The following IP6K2 variants were observed in gnomAD, a reference collection of about 807,000 sequenced individuals.
IP6K2 encodes inositol hexakisphosphate kinase 2.
A neutral mutation model predicts 43.3 loss-of-function variants in IP6K2; 9 were observed. The observed-to-expected ratio is 0.21, with a 90% CI of 0.13 to 0.36. The LOEUF is 0.36. IP6K2 is among the 10% of genes least tolerant of loss of function. IP6K2 has a pLI of 1.00. For missense variants in IP6K2, 332 were observed against 538.4 expected (o/e 0.62, Z 3.79); for synonymous variants, 209 against 202.4 (o/e 1.03, Z -0.28).
intron 1 of IP6K2, among the ~76,000 whole-genome samples, chr3:48,716,767 G>A (rs1172388167): frequency 6.6e-6 from 1 of 152,104 alleles, no homozygotes; most frequent in Non-Finnish European, 1.5e-5. Flanking sequence ...AAATATCTGG[G>A]GAGATCGTGG....
chr3:48,689,542 A>G lies in IP6K2; in HGVS notation c.776T>C (p.Met259Thr). The change falls in exon 5 of 6, where the codon ATG becomes ACG. Residue 259 changes from methionine (M) to threonine (T), a missense_variant. Coordinates refer to ENST00000328631, the MANE Select transcript of IP6K2 (RefSeq NM_016291.4). Reference protein sequence around the residue: ...SAVIGVRVCGMQVYQAGSGQL... With the variant: ...SAVIGVRVCGTQVYQAGSGQL... ...CAGCCCTAGCATCCCCCTCACCTGC[A>G]TGCCACACACACGCACACCAATGAC... 6.2e-7 allele frequency: 1 copy of G among 1,612,004 alleles called. No individual in the cohort carries two copies. Among genetic ancestry groups the G allele is most frequent in the Non-Finnish European group, 8.5e-7 (1 of 1,179,288 alleles).
At chr3:48,698,591 T>G (rs1428031600) in intron 1 of IP6K2, among the ~76,000 whole-genome samples, 1 of 152,122 alleles carries the variant, frequency 6.6e-6, no homozygotes. Context: ...TGCCTCAGCC[T>G]CCCGAGAAGC....
intron 1 of IP6K2, among the ~76,000 whole-genome samples, chr3:48,714,383 TTTTG>T (rs1203258975): frequency 6.7e-6 from 1 of 150,324 alleles, no homozygotes; most frequent in East Asian, 2.1e-4. Flanking sequence ...TTTTCCTTTT[TTTTG>T]TGTGTGTGTG....
intron 1 of IP6K2, among the ~76,000 whole-genome samples, chr3:48,711,836 G>A (rs2080549428): frequency 6.6e-6 from 1 of 152,020 alleles, no homozygotes; most frequent in Admixed American, 6.6e-5. Context: ...TTTCTTCCTT[G>A]AGTAACTAGG....
At chr3:48,712,994 C>G (rs1011313315) in intron 1 of IP6K2, among the ~76,000 whole-genome samples, 1 of 152,098 alleles carries the variant, frequency 6.6e-6, no homozygotes, top group African/African-American at 2.4e-5. Flanking sequence ...ACCTGGGCAA[C>G]AGAGTGAGAC....
chr3:48,704,104 AAAG>A (rs2079399706), intron 1 of IP6K2, among the ~76,000 whole-genome samples: 1 of 152,208 alleles, frequency 6.6e-6, no homozygotes, highest in Admixed American at 6.5e-5. Flanking sequence ...AAAGAAAAGA[AAAG>A]AAAAGAAAAA....
At chr3:48,711,306 G>A (rs1254170020) in intron 1 of IP6K2, 1 of 152,178 alleles carries the variant, frequency 6.6e-6, no homozygotes, top group African/African-American at 2.4e-5. Context: ...CCAGGACCTT[G>A]TATCCTGGAT....
chr3:48,712,515 G>C (rs1324143602), intron 1 of IP6K2, among the ~76,000 whole-genome samples: 2 of 151,646 alleles, frequency 1.3e-5, no homozygotes, highest in Non-Finnish European at 2.9e-5. Context: ...CAAAGTGCTG[G>C]GATTACAGGC....
chr3:48,688,521 G>A lies in IP6K2; in HGVS notation c.1033C>T (p.Leu345=). ...TCCAAATCCTCAGCATCTGAGTCCA[G>A]GACCACTTCGGGCCGCTCCTTGCCA... ...YDGKERPEVV[L]DSDAEDLEDL... The change falls in exon 6 of 6, where the codon CTG becomes TTG. Residue 345 remains leucine, a synonymous_variant. Coordinates refer to ENST00000328631, the MANE Select transcript of IP6K2 (RefSeq NM_016291.4). This position sits in a 1 kb window ranked among gnomAD's most constrained non-coding sequence, Gnocchi z 5.1. The A allele has an allele frequency of 6.2e-7, 1 of 1,614,254 alleles. No homozygotes were observed. Among genetic ancestry groups the A allele is most frequent in the African/African-American group, 1.3e-5 (1 of 75,064 alleles).
At chr3:48,690,615 CCT>C (rs35006957) in intron 4 of IP6K2, among the ~76,000 whole-genome samples, 20,168 of 151,798 alleles carry the variant, frequency 0.13, 1,484 homozygotes, top group African/African-American at 0.2. Context: ...ATGGTGAAAC[CCT>C]GTCTCCACTA....
At chr3:48,715,712 CTCTT>C (rs1291448952) in intron 1 of IP6K2, among the ~76,000 whole-genome samples, 17 of 149,970 alleles carry the variant, frequency 1.1e-4, no homozygotes, top group African/African-American at 2.5e-4. Context: ...TTCTCTCTCT[CTCTT>C]TTTTTTTTTT....
At chr3:48,692,348 A>G (rs1559509488) in intron 3 of IP6K2, among the ~76,000 whole-genome samples, 2 of 152,194 alleles carry the variant, frequency 1.3e-5, no homozygotes, top group Non-Finnish European at 2.9e-5. Flanking sequence ...CCTGCTCCCC[A>G]GCCCTGTATG....
Position 48,715,221 on chromosome 3 carries a change from C to T in IP6K2, c.-131+1936G>A, listed in dbSNP as rs11708786. ...ATAAGAGTGTGTTCAATTTGTTACC[C>T]AAGATTATCCCACTAGGTGAAATAA... On this transcript the variant is annotated intron_variant, in intron 1 of 5. Coordinates refer to ENST00000328631, the MANE Select transcript of IP6K2 (RefSeq NM_016291.4). 159,283 of 1,335,364 alleles carry T rather than the reference C, an allele frequency of 0.12. 10,232 individuals carry two copies. The highest frequency in any genetic ancestry group is 0.23 in the African/African-American group (15,833 of 69,050). 82.7% of individuals were successfully genotyped at this position (1,335,364 alleles called of 1,614,324 possible).
intron 1 of IP6K2, among the ~76,000 whole-genome samples, chr3:48,712,232 CA>C (rs200314397): frequency 2.1e-5 from 3 of 139,590 alleles, no homozygotes; most frequent in South Asian, 2.3e-4. Context: ...CCTGTCTCTA[CA>C]AAAAAAAAAT....
chr3:48,688,079 T>C lies in IP6K2; in HGVS notation c.*194A>G, dbSNP rs374789137. 1.1e-5 allele frequency: 7 copies of C among 614,966 alleles called. No individual in the cohort carries two copies. The highest frequency in any genetic ancestry group is 9.2e-5 in the African/African-American group (5 of 54,160). 38.1% of individuals were successfully genotyped at this position (614,966 alleles called of 1,614,324 possible). On this transcript the variant is annotated 3_prime_UTR_variant, in exon 6 of 6. Transcript: ENST00000328631. This position sits in a 1 kb window ranked among gnomAD's most constrained non-coding sequence, Gnocchi z 5.1. Reference sequence around the variant, plus strand: ...AGGTATCATCATCAAATGTGGAATGTTGAAGAAATAGTTAAAATAAATAAA... The same window carrying C: ...AGGTATCATCATCAAATGTGGAATGCTGAAGAAATAGTTAAAATAAATAAA...
intron 4 of IP6K2, 114 bp from the exon 5 acceptor site, chr3:48,689,827 ACT>A: frequency 1.2e-6 from 1 of 801,908 alleles, no homozygotes; most frequent in Non-Finnish European, 2.0e-6. Context: ...CCCACAGGAG[ACT>A]CCATTAGTCC....
chr3:48,709,131 C>T (rs1285006842), intron 1 of IP6K2, among the ~76,000 whole-genome samples: 3 of 152,232 alleles, frequency 2.0e-5, no homozygotes, highest in African/African-American at 7.2e-5. Flanking sequence ...TGCCAGTGGG[C>T]AATGTTTACC....
intron 1 of IP6K2, among the ~76,000 whole-genome samples, chr3:48,710,824 T>C (rs372706230): frequency 2.6e-4 from 40 of 152,306 alleles, no homozygotes; most frequent in African/African-American, 9.1e-4. Flanking sequence ...TTAGCCAGGA[T>C]GGTCTCGATC....
intron 1 of IP6K2, among the ~76,000 whole-genome samples, chr3:48,709,797 A>G (rs564571006): frequency 2.0e-5 from 3 of 151,728 alleles, no homozygotes; most frequent in Admixed American, 2.0e-4. Context: ...AGATCGCACC[A>G]CTGCACTCCA....
Sources: gnomAD v4.1 joint callset for allele counts (sites outside exome capture counted in the v4.1 genomes callset) on GRCh38, gnomAD v4.1.1 for gene constraint, Gnocchi (gnomAD v3.1) non-coding constraint, MANE v1.5 for transcripts, NCBI Gene and HGNC (gene_info 2026-07-23, HGNC 2026-07-21) for gene names.